Variants in LRIG1 observed in about 807,000 individuals in gnomAD.
The protein encoded by LRIG1 is leucine-rich repeats and immunoglobulin-like domains protein 1.
Under a neutral mutation model 99.2 loss-of-function variants are expected in LRIG1, and 48 were observed. The ratio of observed to expected loss-of-function variants is 0.48; its 90% confidence interval spans 0.38 to 0.62. The LOEUF is 0.62. LRIG1 is among the 20% of genes least tolerant of loss of function. The pLI, the probability that LRIG1 is intolerant of heterozygous loss-of-function variation, is 0.00. For missense variants in LRIG1, 1,646 were observed against 1,434.4 expected, an observed-to-expected ratio of 1.15 and a Z score of -2.38; for synonymous variants, 772 against 596.1, an observed-to-expected ratio of 1.29 and a Z score of -4.30.
intron 13 of LRIG1, among the ~76,000 whole-genome samples, 174 bp from the exon 14 acceptor site, chr3:66,384,446 C>A (rs1244024638): frequency 6.6e-6 from 1 of 152,162 alleles, no homozygotes; most frequent in Non-Finnish European, 1.5e-5. Context: ...CAGCTTCTCC[C>A]ACCACAGTTG....
At chr3:66,403,935 T>TC (rs1388354232) in intron 9 of LRIG1, among the ~76,000 whole-genome samples, 1 of 152,192 alleles carries the variant, frequency 6.6e-6, no homozygotes, top group Non-Finnish European at 1.5e-5. Flanking sequence ...TAAGAAGGCC[T>TC]CTGCCCCACC....
At position 66,440,019 on chromosome 3, in the gene LRIG1, A is replaced by G. The variant is rs374956047; in HGVS notation, c.365+11540T>C. 1.9e-3 allele frequency among the ~76,000 whole-genome samples: 289 copies of G among 151,424 alleles called. 1 individual carries two copies. The highest frequency in any genetic ancestry group is 6.7e-3 in the African/African-American group (273 of 40,762). ...CCCCTCCACCTGGTGAGAAAGAAAGAGGGGGAAAAAAAGGAGTGGAGGGAG... is the reference window on the plus strand; with the variant it reads ...CCCCTCCACCTGGTGAGAAAGAAAGGGGGGGAAAAAAAGGAGTGGAGGGAG... On this transcript the variant is annotated intron_variant, in intron 3 of 18. Coordinates refer to ENST00000273261, the MANE Select transcript of LRIG1 (RefSeq NM_015541.3).
intron 1 of LRIG1, among the ~76,000 whole-genome samples, chr3:66,496,597 G>C (rs936172762): frequency 6.6e-6 from 1 of 152,150 alleles, no homozygotes; most frequent in Admixed American, 6.5e-5. Flanking sequence ...CAATTAACCT[G>C]TGTTTAAAAT....
chr3:66,470,288 A>G (rs1246590382), intron 1 of LRIG1, among the ~76,000 whole-genome samples: 1 of 152,232 alleles, frequency 6.6e-6, no homozygotes, highest in East Asian at 1.9e-4. Flanking sequence ...TAGCATGGAT[A>G]ACATGAATGA....
At chr3:66,491,829 T>C (rs1701107423) in intron 1 of LRIG1, among the ~76,000 whole-genome samples, 1 of 152,212 alleles carries the variant, frequency 6.6e-6, no homozygotes, top group Non-Finnish European at 1.5e-5. Flanking sequence ...GACAGATACC[T>C]AGAGTTCATT....
At chr3:66,444,265 C>T (rs1169939836) in intron 3 of LRIG1, among the ~76,000 whole-genome samples, 1 of 152,170 alleles carries the variant, frequency 6.6e-6, no homozygotes, top group Non-Finnish European at 1.5e-5. Context: ...CTTGAGTGGT[C>T]ACCAACAAAC....
At chr3:66,465,577 G>C (rs1482144687) in intron 1 of LRIG1, among the ~76,000 whole-genome samples, 3 of 151,698 alleles carry the variant, frequency 2.0e-5, no homozygotes, top group African/African-American at 4.8e-5. Context: ...TGTTGGCCAG[G>C]CTGGTTTCAA....
rs780644174 is a variant in LRIG1, at chr3:66,500,328, C to G, written c.80G>C (p.Arg27Pro). 1.0e-5 allele frequency: 15 copies of G among 1,494,870 alleles called. No individual in the cohort carries two copies. Among genetic ancestry groups the G allele is most frequent in the South Asian group, 2.5e-5 (2 of 79,264 alleles). 92.6% of individuals were successfully genotyped at this position (1,494,870 alleles called of 1,614,324 possible). A position where few individuals can be genotyped will look rare whatever the true frequency, so the allele number is the denominator to read the frequency against. ...CLLLLWLLLL[R>P]LEPVTAAAGP... is the part of the protein sequence containing the mutation. ...GGCCGCGGCGGTCACCGGCTCCAGC[C>G]GAAGCAAAAGCAGCCAGAGAAGGAG... The change falls in exon 1 of 19, where the codon CGG (arginine) becomes CCG (proline). Residue 27 changes from arginine (R) to proline (P), a missense_variant. Coordinates refer to ENST00000273261, the MANE Select transcript of LRIG1 (RefSeq NM_015541.3).
chr3:66,452,557 A>C (rs11706832), intron 2 of LRIG1, among the ~76,000 whole-genome samples: 53,664 of 152,096 alleles, frequency 0.35, 11,141 homozygotes, highest in Middle Eastern at 0.49. Flanking sequence ...TTGCGATGCA[A>C]AGTCAAGGGG....
chr3:66,413,288 G>A (rs1702527011), intron 5 of LRIG1, among the ~76,000 whole-genome samples: 1 of 152,232 alleles, frequency 6.6e-6, no homozygotes, highest in Non-Finnish European at 1.5e-5. Context: ...CTGCACAGAA[G>A]AGAACGCGTG....
chr3:66,500,717 G>A lies in LRIG1; in HGVS notation c.-310C>T, dbSNP rs1320614025. 3.3e-5 allele frequency: 7 copies of A among 209,970 alleles called. No homozygotes were observed. Among genetic ancestry groups the A allele is most frequent in the African/African-American group, 1.4e-4 (6 of 43,236 alleles). 13.0% of individuals were successfully genotyped at this position (209,970 alleles called of 1,614,324 possible). On this transcript the variant is annotated 5_prime_UTR_variant, in exon 1 of 19. Coordinates refer to ENST00000273261, the MANE Select transcript of LRIG1 (RefSeq NM_015541.3). ...CAGCCTGCGCTCTTCGTCCGCCCGG[G>A]GCACGCCGAGTGCCGCTACCGACAC...
chr3:66,445,198 C>T (rs1336877951), intron 3 of LRIG1, among the ~76,000 whole-genome samples: 1 of 151,786 alleles, frequency 6.6e-6, no homozygotes, highest in Non-Finnish European at 1.5e-5. Context: ...ATTGCCAGAG[C>T]AATAAAATGC....
intron 3 of LRIG1, among the ~76,000 whole-genome samples, chr3:66,440,734 AG>A (rs549981416): frequency 1.7e-3 from 255 of 152,342 alleles, no homozygotes; most frequent in Admixed American, 2.6e-3. Context: ...GTGCACGTTC[AG>A]TATATACCAG....
At chr3:66,414,781 GCTGCCATTAATGGTA>G in intron 5 of LRIG1, 124 bp downstream of exon 5, 1 of 874,562 alleles carries the variant, frequency 1.1e-6, no homozygotes, top group East Asian at 2.8e-5. Flanking sequence ...TTTATGAGGT[GCTGCCATTAATGGTA>G]ATTTATGGAG....
chr3:66,480,847 C>G (rs1700834448), intron 1 of LRIG1, among the ~76,000 whole-genome samples: 1 of 152,114 alleles, frequency 6.6e-6, no homozygotes, highest in African/African-American at 2.4e-5. Context: ...AAGACCAAGC[C>G]AGAAGGCAGG....
chr3:66,397,212 G>A (rs1454955393), intron 11 of LRIG1, among the ~76,000 whole-genome samples: 4 of 152,160 alleles, frequency 2.6e-5, no homozygotes, highest in East Asian at 1.9e-4. Context: ...CACCCGGCCC[G>A]CTTCAGTTCC....
At position 66,386,150 on chromosome 3, in the gene LRIG1, T is replaced by C. The variant is rs1701362155; in HGVS notation, c.1620A>G (p.Ala540=). 1 of 1,614,146 alleles carries C rather than the reference T, an allele frequency of 6.2e-7. No individual in the cohort carries two copies. The highest frequency in any genetic ancestry group is 1.3e-5 in the African/African-American group (1 of 75,032). The change falls in exon 13 of 19, where the codon GCA becomes GCG. Residue 540 remains alanine, a synonymous_variant. Coordinates refer to ENST00000273261, the MANE Select transcript of LRIG1 (RefSeq NM_015541.3). The part of the protein sequence containing the change: ...WKKDNEVLTN[A]DMENFVHVHA... Reference sequence around the variant, plus strand: ...GGACGTGGACAAAGTTCTCCATGTCTGCATTGGTCAGGACTTCATTGTCTT... The same window carrying C: ...GGACGTGGACAAAGTTCTCCATGTCCGCATTGGTCAGGACTTCATTGTCTT...
intron 9 of LRIG1, among the ~76,000 whole-genome samples, chr3:66,404,078 C>T (rs946073504): frequency 2.6e-5 from 4 of 152,170 alleles, no homozygotes; most frequent in African/African-American, 2.4e-5. Context: ...TAAGCATCTC[C>T]GACATGCTGC....
At chr3:66,460,988 T>C (rs1247652602) in intron 2 of LRIG1, among the ~76,000 whole-genome samples, 1 of 152,242 alleles carries the variant, frequency 6.6e-6, no homozygotes, top group East Asian at 1.9e-4. Flanking sequence ...AAAATTTCTT[T>C]AGATATGTCA....
Sources: allele counts gnomAD v4.1 joint callset (sites outside exome capture counted in the v4.1 genomes callset), GRCh38; gene constraint gnomAD v4.1.1; transcripts MANE v1.5; gene names NCBI Gene and HGNC (gene_info 2026-07-23, HGNC 2026-07-21).